The following ZNF440 variants were observed in gnomAD, a reference collection of about 807,000 sequenced individuals.
ZNF440 encodes zinc finger protein 440.
A neutral mutation model predicts 49.7 loss-of-function variants in ZNF440; 47 were observed. The observed-to-expected ratio is 0.95, with a 90% CI of 0.75 to 1.21. The LOEUF (loss-of-function observed/expected upper bound fraction) is 1.21. Ranked by LOEUF, ZNF440 falls within the 50% of genes most tolerant of loss-of-function variation. The pLI is 0.00. For missense variants in ZNF440, 703 were observed against 715.0 expected, an observed-to-expected ratio of 0.98 and a Z score of 0.19; for synonymous variants, 255 against 237.7, an observed-to-expected ratio of 1.07 and a Z score of -0.67.
chr19:11,815,326 A>ACACACACACACACACACACACACAC (rs1568237555), intron 1 of ZNF440, among the ~76,000 whole-genome samples: 5 of 150,356 alleles, frequency 3.3e-5, no homozygotes, highest in Non-Finnish European at 5.9e-5. Context: ...ACACACACAC[A>ACACACACACACACACACACACACAC]AATTAAATAG....
At chr19:11,824,295 C>T (rs757764307) in intron 1 of ZNF440, among the ~76,000 whole-genome samples, 43 of 151,718 alleles carry the variant, frequency 2.8e-4, no homozygotes, top group Non-Finnish European at 5.2e-4. Flanking sequence ...AATTAAAATT[C>T]GCTGAGATTT....
chr19:11,833,726 T>C lies in ZNF440; in HGVS notation c.*762T>C, dbSNP rs565272890. On this transcript the variant is annotated 3_prime_UTR_variant, in exon 4 of 4. Coordinates refer to ENST00000304060, the MANE Select transcript of ZNF440 (RefSeq NM_152357.3). The stretch of plus-strand genomic sequence containing the variant: ...TTCAATATCATGAAAGGACTCACAC[T>C]GGAGAGAAGCCCTATGAATATAAGC... 1.7e-5 allele frequency: 13 copies of C among 769,490 alleles called. No homozygotes were observed. The East Asian group carries it at 4.7e-4, about 28-fold the overall frequency. 47.7% of individuals were successfully genotyped at this position (769,490 alleles called of 1,614,324 possible).
In ZNF440 at chr19:11,831,613, G is replaced by A; in HGVS notation, c.437G>A (p.Cys146Tyr). Residue 146 changes from cysteine (C) to tyrosine (Y), a missense_variant, in exon 4 of 4, where the codon TGT (cysteine) becomes TAT (tyrosine). Physicochemically the swap from Cys to Tyr is radical, Grantham distance 194. Transcript: ENST00000304060. ...GAATATGGACCAAAGCCATGTAAGT[G>A]TCAACAACCTAAAAAAGCCTTCAGA... is the stretch of plus-strand genomic sequence containing the variant. ...YQEYGPKPCK[C>Y]QQPKKAFRYR... is the part of the protein sequence containing the mutation. 1 of 1,614,140 alleles carries A rather than the reference G, an allele frequency of 6.2e-7. No homozygotes were observed. Among genetic ancestry groups the A allele is most frequent in the Non-Finnish European group, 8.5e-7 (1 of 1,179,998 alleles).
At chr19:11,815,097 A>G (rs1009559274) in intron 1 of ZNF440, among the ~76,000 whole-genome samples, 1 of 152,026 alleles carries the variant, frequency 6.6e-6, no homozygotes, top group Non-Finnish European at 1.5e-5. Context: ...TAACACGGTG[A>G]AACCCCGTCT....
At chr19:11,823,039 A>G (rs998794253) in intron 1 of ZNF440, among the ~76,000 whole-genome samples, 7 of 152,082 alleles carry the variant, frequency 4.6e-5, no homozygotes, top group South Asian at 4.1e-4. Context: ...TGACTTAAAG[A>G]ATAAACATTT....
At chr19:11,824,063 G>A (rs1396317801) in intron 1 of ZNF440, among the ~76,000 whole-genome samples, 15 of 150,892 alleles carry the variant, frequency 9.9e-5, no homozygotes, top group South Asian at 8.4e-4. Flanking sequence ...TGTGCCTGTC[G>A]TCCCAGCTAC....
chr19:11,824,037 C>T (rs1164152336), intron 1 of ZNF440, among the ~76,000 whole-genome samples: 5 of 151,062 alleles, frequency 3.3e-5, no homozygotes, highest in African/African-American at 1.2e-4. Flanking sequence ...CAAAAAATTA[C>T]CTCGTCATTG....
chr19:11,823,457 C>A (rs916144871), intron 1 of ZNF440, among the ~76,000 whole-genome samples: 7 of 151,994 alleles, frequency 4.6e-5, no homozygotes, highest in African/African-American at 1.7e-4. Context: ...GTGAAAAAAA[C>A]AAACTGCCTT....
At chr19:11,830,586 C>T in intron 2 of ZNF440, 31 bp from the exon 3 acceptor site, 6 of 1,612,046 alleles carry the variant, frequency 3.7e-6, no homozygotes, top group Non-Finnish European at 5.1e-6. Context: ...TATACTGCCT[C>T]AGGACTATTT....
In ZNF440 at chr19:11,832,335, G is replaced by A; in HGVS notation, c.1159G>A (p.Glu387Lys). The part of the protein sequence containing the change: ...FPHSSSLRYH[E>K]RTHTGEKPYE... Reference sequence around the variant, plus strand: ...TCATTCCAGTTCCCTTCGATATCATGAAAGGACTCACACTGGAGAGAAACC... The same window carrying A: ...TCATTCCAGTTCCCTTCGATATCATAAAAGGACTCACACTGGAGAGAAACC... Residue 387 changes from glutamate to lysine, a missense_variant, in exon 4 of 4, where the codon GAA becomes AAA. Physicochemically the swap from Glu to Lys is moderately conservative, Grantham distance 56. Transcript: ENST00000304060. The A allele has an allele frequency of 6.2e-7, 1 of 1,614,096 alleles. No individual in the cohort carries two copies. The highest frequency in any genetic ancestry group is 8.5e-7 in the Non-Finnish European group (1 of 1,180,028).
At chr19:11,826,652 ATTTTTTTTCCTTTTTTTT>A (rs1166056717) in intron 1 of ZNF440, among the ~76,000 whole-genome samples, 2 of 127,200 alleles carry the variant, frequency 1.6e-5, no homozygotes, top group African/African-American at 6.0e-5. Flanking sequence ...TCCTTTTTTA[ATTTTTTTTCCTTTTTTTT>A]TTTTTTTTGG....
rs61746263 is a variant in ZNF440, at chr19:11,831,919, G to C, written c.743G>C (p.Arg248Thr). ...TCTGCTACCCATCGAATACATAAAA[G>C]AACTCACACTGGAGAAAAGCCTTAT... is the stretch of plus-strand genomic sequence containing the variant. ...SYSATHRIHK[R>T]THTGEKPYEY... Residue 248 changes from arginine (R) to threonine (T), a missense_variant, in exon 4 of 4, where the codon AGA becomes ACA. Coordinates refer to ENST00000304060, the MANE Select transcript of ZNF440 (RefSeq NM_152357.3). The C allele has an allele frequency of 6.2e-6, 10 of 1,613,790 alleles. No individual in the cohort carries two copies. In the South Asian group the frequency reaches 9.9e-5, roughly 16 times the overall value.
At chr19:11,823,312 A>T (rs1421642040) in intron 1 of ZNF440, among the ~76,000 whole-genome samples, 1 of 152,122 alleles carries the variant, frequency 6.6e-6, no homozygotes, top group African/African-American at 2.4e-5. Flanking sequence ...GTAGGTTATT[A>T]ATATGTGATT....
intron 1 of ZNF440, among the ~76,000 whole-genome samples, chr19:11,825,217 C>G (rs1050658673): frequency 6.6e-6 from 1 of 151,438 alleles, no homozygotes; most frequent in African/African-American, 2.4e-5. Flanking sequence ...CCAAAGAAAC[C>G]ATATTGACTT....
At chr19:11,818,914 A>T (rs182504761) in intron 1 of ZNF440, among the ~76,000 whole-genome samples, 1 of 152,070 alleles carries the variant, frequency 6.6e-6, no homozygotes, top group East Asian at 1.9e-4. Context: ...TTCCTTTTCA[A>T]TTTAAGAGTG....
At chr19:11,821,593 T>C (rs965543255) in intron 1 of ZNF440, among the ~76,000 whole-genome samples, 5 of 150,888 alleles carry the variant, frequency 3.3e-5, no homozygotes, top group African/African-American at 1.2e-4. Context: ...CACAGGGGGG[T>C]ATAGTGCAGT....
At chr19:11,822,138 C>T (rs1975807497) in intron 1 of ZNF440, among the ~76,000 whole-genome samples, 1 of 152,176 alleles carries the variant, frequency 6.6e-6, no homozygotes, top group South Asian at 2.1e-4. Context: ...GTGGTCTGTA[C>T]CATCCATGTG....
At chr19:11,831,296 T>C in intron 3 of ZNF440, 72 bp from the exon 4 acceptor site, 1 of 1,535,388 alleles carries the variant, frequency 6.5e-7, no homozygotes, top group South Asian at 1.3e-5. Context: ...AAAATGCAAG[T>C]GCAATACTTG....
intron 1 of ZNF440, 47 bp downstream of exon 1, chr19:11,814,497 AATCGGCCGGAACCGGCTG>A: frequency 6.8e-7 from 1 of 1,473,110 alleles, no homozygotes; most frequent in South Asian, 1.4e-5. Flanking sequence ...GAGGGGCTGG[AATCGGCCGGAACCGGCTG>A]AGGCGGGACC....
Sources: allele counts gnomAD v4.1 joint callset (sites outside exome capture counted in the v4.1 genomes callset), GRCh38; gene constraint gnomAD v4.1.1; transcripts MANE v1.5; gene names NCBI Gene and HGNC (gene_info 2026-07-23, HGNC 2026-07-21).